SLCO5A1: variants seen among roughly 807,000 people sequenced by gnomAD.
SLCO5A1 encodes solute carrier organic anion transporter family member 5A1.
In SLCO5A1, 39 loss-of-function variants were observed where a neutral mutation model predicts 65.1. The ratio of observed to expected loss-of-function variants is 0.60; its 90% CI spans 0.46 to 0.78. The LOEUF is 0.78. SLCO5A1 is among the 30% of genes least tolerant of loss of function. SLCO5A1 has a pLI of 0.00. For synonymous variants in SLCO5A1, 438 were observed against 415.7 expected, an observed-to-expected ratio of 1.05 and a Z score of -0.65; for missense variants, 1,029 against 1,069.4, an observed-to-expected ratio of 0.96 and a Z score of 0.53.
chr8:69,761,904 T>C (rs1243957403), intron 2 of SLCO5A1, 29 bp from the exon 3 acceptor site: 4 of 1,608,568 alleles, frequency 2.5e-6, no homozygotes, highest in East Asian at 2.2e-5. Context: ...AAATGTGAAA[T>C]ACAGCGACGT....
At chr8:69,754,754 C>T (rs1477201962) in intron 4 of SLCO5A1, among the ~76,000 whole-genome samples, 1 of 152,064 alleles carries the variant, frequency 6.6e-6, no homozygotes, top group East Asian at 1.9e-4. Context: ...TTAATATAAT[C>T]AGTATTTTTA....
intron 2 of SLCO5A1, among the ~76,000 whole-genome samples, chr8:69,806,859 T>C (rs1227345815): frequency 6.6e-6 from 1 of 152,178 alleles, no homozygotes; most frequent in Non-Finnish European, 1.5e-5. Context: ...AAAGAAACAA[T>C]AAACATGATG....
chr8:69,738,019 G>A (rs1328956428), intron 5 of SLCO5A1, 21 bp downstream of exon 5: 2 of 1,608,986 alleles, frequency 1.2e-6, no homozygotes, highest in African/African-American at 2.7e-5. Flanking sequence ...TTTTCAAGCA[G>A]CCCTAGCGGC....
intron 2 of SLCO5A1, among the ~76,000 whole-genome samples, chr8:69,814,122 T>C (rs927962344): frequency 6.6e-6 from 1 of 152,130 alleles, no homozygotes; most frequent in Non-Finnish European, 1.5e-5. Context: ...CTACATGACA[T>C]TGATCTTAGG....
At chr8:69,725,696 C>A (rs916812084) in intron 5 of SLCO5A1, among the ~76,000 whole-genome samples, 2 of 152,144 alleles carry the variant, frequency 1.3e-5, no homozygotes, top group African/African-American at 4.8e-5. Flanking sequence ...GAGATGCAAA[C>A]CCTAAGGGTC....
intron 4 of SLCO5A1, 34 bp from the exon 5 acceptor site, chr8:69,738,238 T>C (rs2130843493): frequency 6.4e-7 from 1 of 1,554,322 alleles, no homozygotes; most frequent in Non-Finnish European, 8.7e-7. Flanking sequence ...ATGAATGTTA[T>C]AAACAATGGA....
At chr8:69,800,499 G>A (rs999821741) in intron 2 of SLCO5A1, among the ~76,000 whole-genome samples, 1 of 152,002 alleles carries the variant, frequency 6.6e-6, no homozygotes, top group African/African-American at 2.4e-5. Flanking sequence ...TACTCTATAT[G>A]AACAGCAGAA....
At chr8:69,728,188 T>C (rs964903005) in intron 5 of SLCO5A1, among the ~76,000 whole-genome samples, 1 of 152,148 alleles carries the variant, frequency 6.6e-6, no homozygotes, top group Non-Finnish European at 1.5e-5. Flanking sequence ...AAAACACTAA[T>C]GTAAAATACC....
chr8:69,722,999 G>A (rs926050142), intron 5 of SLCO5A1, among the ~76,000 whole-genome samples: 11 of 151,930 alleles, frequency 7.2e-5, no homozygotes, highest in African/African-American at 1.9e-4. Context: ...GGCATTTTAC[G>A]TTTACTCATG....
chr8:69,834,372 G>C (rs906179175), intron 1 of SLCO5A1: 4 of 152,638 alleles, frequency 2.6e-5, no homozygotes, highest in African/African-American at 9.7e-5. Context: ...AAGGAGGAAG[G>C]GCAAGGGAGA....
intron 6 of SLCO5A1, among the ~76,000 whole-genome samples, chr8:69,695,863 C>A (rs941485377): frequency 6.6e-6 from 1 of 152,072 alleles, no homozygotes; most frequent in Non-Finnish European, 1.5e-5. Context: ...TCACCTGTAA[C>A]TAATATGGGC....
chr8:69,754,004 C>CAAAAAAAAAAAA (rs71556780), intron 4 of SLCO5A1, among the ~76,000 whole-genome samples: 1 of 73,490 alleles, frequency 1.4e-5, no homozygotes, highest in African/African-American at 4.8e-5. Flanking sequence ...TGACCTATCT[C>CAAAAAAAAAAAA]AAAAAAAAAA....
intron 5 of SLCO5A1, among the ~76,000 whole-genome samples, chr8:69,717,132 G>A (rs185422672): frequency 1.7e-3 from 258 of 152,140 alleles, no homozygotes; most frequent in Middle Eastern, 3.4e-3. Context: ...ACATTTTGAC[G>A]AACTCCAACT....
At chr8:69,728,725 AAAT>A (rs1332482144) in intron 5 of SLCO5A1, among the ~76,000 whole-genome samples, 1 of 152,222 alleles carries the variant, frequency 6.6e-6, no homozygotes, top group Non-Finnish European at 1.5e-5. Flanking sequence ...CACTTGAATA[AAAT>A]AATTATGTTA....
intron 2 of SLCO5A1, among the ~76,000 whole-genome samples, chr8:69,818,724 T>C (rs1362012598): frequency 2.0e-5 from 3 of 152,172 alleles, no homozygotes; most frequent in Non-Finnish European, 4.4e-5. Flanking sequence ...GAATTTGTCT[T>C]AGAGGCCAAA....
intron 2 of SLCO5A1, among the ~76,000 whole-genome samples, chr8:69,784,346 C>G (rs1452391884): frequency 6.6e-6 from 1 of 152,056 alleles, no homozygotes; most frequent in African/African-American, 2.4e-5. Context: ...CAATAAGATA[C>G]CACTATCACT....
At chr8:69,824,576 G>T (rs989213055) in intron 2 of SLCO5A1, among the ~76,000 whole-genome samples, 1 of 152,168 alleles carries the variant, frequency 6.6e-6, no homozygotes, top group African/African-American at 2.4e-5. Flanking sequence ...GACTAAACCA[G>T]GAAGAAGTTG....
chr8:69,671,866 C>A lies in SLCO5A1; in HGVS notation c.*1003G>T, dbSNP rs1813339830. 1 of 152,170 alleles carries A rather than the reference C, an allele frequency of 6.6e-6. No individual in the cohort carries two copies. The highest frequency in any genetic ancestry group is 1.5e-5 in the Non-Finnish European group (1 of 68,034). 9.4% of individuals were successfully genotyped at this position (152,170 alleles called of 1,614,324 possible). On this transcript the variant is annotated 3_prime_UTR_variant, in exon 10 of 10. Transcript: ENST00000260126. ...TATAAGTATGCATTTTCAGGAGCAA[C>A]CACAGCAATTTTCTGTCCAGAAAAA...
intron 4 of SLCO5A1, among the ~76,000 whole-genome samples, chr8:69,754,915 T>C (rs1211982265): frequency 6.6e-6 from 1 of 152,148 alleles, no homozygotes; most frequent in Non-Finnish European, 1.5e-5. Flanking sequence ...CCCTTTCTAG[T>C]GGTAGGTATT....
Sources: allele counts gnomAD v4.1 joint callset (sites outside exome capture counted in the v4.1 genomes callset), GRCh38; gene constraint gnomAD v4.1.1; transcripts MANE v1.5; gene names NCBI Gene and HGNC (gene_info 2026-07-23, HGNC 2026-07-21).